The following MAF variants were observed in gnomAD, a reference collection of about 807,000 sequenced individuals.
MAF encodes transcription factor Maf.
In MAF, 10 loss-of-function variants were observed where a neutral mutation model predicts 22.0. The ratio of observed to expected loss-of-function variants is 0.45; its 90% CI spans 0.28 to 0.77. The LOEUF (loss-of-function observed/expected upper bound fraction) is 0.77, where lower values mean the gene tolerates loss of function less well. Among genes scored for constraint, MAF ranks in the 30% least tolerant of loss-of-function variants. The pLI is 0.12. For synonymous variants in MAF, 337 were observed against 255.8 expected (o/e 1.32, Z -3.03); for missense variants, 544 against 548.4 (o/e 0.99, Z 0.08).
the MAF span, among the ~76,000 whole-genome samples, chr16:79,573,265 T>C: frequency 6.6e-6 from 1 of 152,366 alleles, no homozygotes; most frequent in African/African-American, 2.4e-5. Flanking sequence ...TGCATAAGTT[T>C]TAAATGCTTA....
downstream of MAF, among the ~76,000 whole-genome samples, chr16:79,583,313 T>G (rs1912639226): frequency 6.6e-6 from 1 of 152,196 alleles, no homozygotes; most frequent in Admixed American, 6.5e-5. Flanking sequence ...GTCATCGGAT[T>G]AGGTGTAATC....
the MAF span, among the ~76,000 whole-genome samples, chr16:79,385,033 G>C: frequency 1.3e-5 from 2 of 152,198 alleles, no homozygotes; most frequent in Admixed American, 6.5e-5. Flanking sequence ...AAGGTCTTCT[G>C]AGAACAGCTA....
At chr16:79,562,602 C>T in the MAF span, among the ~76,000 whole-genome samples, 12 of 152,346 alleles carry the variant, frequency 7.9e-5, no homozygotes, top group East Asian at 2.3e-3. Flanking sequence ...TCCCTGAACA[C>T]AGACCTAAGA....
At chr16:79,442,351 T>C in the MAF span, among the ~76,000 whole-genome samples, 2 of 151,768 alleles carry the variant, frequency 1.3e-5, no homozygotes, top group South Asian at 2.1e-4. Context: ...CCACAGAATA[T>C]CCTTTTATTT....
chr16:79,414,590 C>T, the MAF span, among the ~76,000 whole-genome samples: 1 of 152,120 alleles, frequency 6.6e-6, no homozygotes, highest in Non-Finnish European at 1.5e-5. Context: ...GGACAAATAT[C>T]CAAACTATAT....
At chr16:79,242,613 T>A in the MAF span, among the ~76,000 whole-genome samples, 10,972 of 151,972 alleles carry the variant, frequency 0.072, 577 homozygotes, top group Middle Eastern at 0.14. Context: ...TGGGAGACTT[T>A]AACACCCCAC....
At chr16:79,280,863 G>C in the MAF span, among the ~76,000 whole-genome samples, 1 of 152,206 alleles carries the variant, frequency 6.6e-6, no homozygotes, top group African/African-American at 2.4e-5. Context: ...GGACTCTGAT[G>C]CGGATTCCTT....
At chr16:79,392,859 G>A in the MAF span, among the ~76,000 whole-genome samples, 34 of 152,284 alleles carry the variant, frequency 2.2e-4, 1 homozygote, top group African/African-American at 7.9e-4. Context: ...ATGCCTGTGG[G>A]AATCCACTGC....
the MAF span, among the ~76,000 whole-genome samples, chr16:79,427,833 G>T: frequency 6.6e-6 from 1 of 152,124 alleles, no homozygotes; most frequent in Non-Finnish European, 1.5e-5. Context: ...CTCCTTGTGA[G>T]AAAGAATCTG....
At chr16:79,400,542 C>T in the MAF span, among the ~76,000 whole-genome samples, 1 of 152,210 alleles carries the variant, frequency 6.6e-6, no homozygotes, top group Non-Finnish European at 1.5e-5. Context: ...CTATGCATCA[C>T]GTCATTTGTT....
At chr16:79,215,757 G>A in the MAF span, among the ~76,000 whole-genome samples, 1 of 152,116 alleles carries the variant, frequency 6.6e-6, no homozygotes, top group South Asian at 2.1e-4. Context: ...GGAAATTCAA[G>A]GTTTAAAGTA....
the MAF span, among the ~76,000 whole-genome samples, chr16:79,307,966 G>T: frequency 2.6e-5 from 4 of 152,198 alleles, no homozygotes; most frequent in Non-Finnish European, 4.4e-5. Flanking sequence ...ATTGGAATTT[G>T]CAAAAACAGA....
At chr16:79,227,417 G>T in the MAF span, among the ~76,000 whole-genome samples, 21 of 152,106 alleles carry the variant, frequency 1.4e-4, no homozygotes, top group African/African-American at 4.8e-4. Context: ...TGCTGTGTGT[G>T]TATGAACACC....
At chr16:79,332,351 T>C in the MAF span, among the ~76,000 whole-genome samples, 2 of 152,176 alleles carry the variant, frequency 1.3e-5, no homozygotes, top group African/African-American at 4.8e-5. Flanking sequence ...TCCAGCCTGG[T>C]GTGCAGTGGC....
At chr16:79,581,498 A>C (rs555073300), downstream of MAF, among the ~76,000 whole-genome samples, 5 of 152,030 alleles carry the variant, frequency 3.3e-5, no homozygotes, top group African/African-American at 9.6e-5. Flanking sequence ...GGAAGAAGAA[A>C]AGAAACTTTG....
At chr16:79,283,798 C>T in the MAF span, among the ~76,000 whole-genome samples, 4 of 152,184 alleles carry the variant, frequency 2.6e-5, no homozygotes, top group East Asian at 7.8e-4. Context: ...TTGGCACTTG[C>T]ACTACCTCCA....
the MAF span, among the ~76,000 whole-genome samples, chr16:79,491,529 A>G: frequency 2.0e-5 from 3 of 152,088 alleles, no homozygotes; most frequent in Non-Finnish European, 4.4e-5. Flanking sequence ...AGTGAAATCA[A>G]TCACCAACAT....
the MAF span, chr16:79,505,586 C>G: frequency 6.6e-6 from 1 of 152,330 alleles, no homozygotes; most frequent in Non-Finnish European, 1.5e-5. Flanking sequence ...GCGCAGGGAC[C>G]GGAGACAATG....
chr16:79,404,684 G>A, the MAF span, among the ~76,000 whole-genome samples: 1 of 151,850 alleles, frequency 6.6e-6, no homozygotes, highest in South Asian at 2.1e-4. Context: ...AACTGTGAGT[G>A]AGACTGGGTA....
Sources: allele counts gnomAD v4.1 joint callset (sites outside exome capture counted in the v4.1 genomes callset), GRCh38; gene constraint gnomAD v4.1.1; transcripts MANE v1.5; gene names NCBI Gene and HGNC (gene_info 2026-07-23, HGNC 2026-07-21).